Variants in ACBD6 observed in about 807,000 individuals in gnomAD.
The protein encoded by ACBD6 is acyl-CoA binding domain containing 6.
Under a neutral mutation model 37.2 loss-of-function variants are expected in ACBD6, and 28 were observed. That is an observed-to-expected ratio of 0.75 (90% CI 0.56 to 1.03). ACBD6 has a LOEUF of 1.03. Among genes scored for constraint, ACBD6 ranks in the 50% least tolerant of loss-of-function variants. ACBD6 has a pLI of 0.00. For synonymous variants in ACBD6, 113 were observed against 126.8 expected (o/e 0.89, Z 0.73); for missense variants, 340 against 337.4 (o/e 1.01, Z -0.06).
chr1:180,489,559 A>G (rs1430071016), intron 3 of ACBD6, among the ~76,000 whole-genome samples: 1 of 151,742 alleles, frequency 6.6e-6, no homozygotes, highest in Non-Finnish European at 1.5e-5. Context: ...AAAGAATATG[A>G]AAGTGCCTTT....
At chr1:180,448,219 T>C (rs1448578901) in intron 3 of ACBD6, among the ~76,000 whole-genome samples, 2 of 152,204 alleles carry the variant, frequency 1.3e-5, no homozygotes, top group African/African-American at 2.4e-5. Context: ...CCAAGACCCA[T>C]ACAAATATTA....
chr1:180,332,900 T>C (rs1651541647), intron 6 of ACBD6, among the ~76,000 whole-genome samples: 1 of 152,272 alleles, frequency 6.6e-6, no homozygotes, highest in East Asian at 1.9e-4. Flanking sequence ...ATACCTTGCT[T>C]TTAAATCCTT....
At chr1:180,452,811 T>C (rs1466100765) in intron 3 of ACBD6, among the ~76,000 whole-genome samples, 2 of 152,154 alleles carry the variant, frequency 1.3e-5, no homozygotes, top group African/African-American at 4.8e-5. Flanking sequence ...CTAGAATATC[T>C]AGAAGAAATG....
intron 6 of ACBD6, among the ~76,000 whole-genome samples, chr1:180,394,640 C>T (rs903671310): frequency 1.3e-5 from 2 of 151,888 alleles, no homozygotes; most frequent in African/African-American, 4.8e-5. Context: ...AAGAACAAGC[C>T]CCCAAGATAG....
intron 6 of ACBD6, among the ~76,000 whole-genome samples, chr1:180,373,477 C>A (rs922939426): frequency 6.6e-6 from 1 of 152,144 alleles, no homozygotes; most frequent in Admixed American, 6.5e-5. Flanking sequence ...CTATAGCTGG[C>A]TAATGCATAA....
At chr1:180,282,297 G>A (rs1649336999) in intron 8 of ACBD6, among the ~76,000 whole-genome samples, 1 of 152,244 alleles carries the variant, frequency 6.6e-6, no homozygotes, top group South Asian at 2.1e-4. Context: ...GGCTGGGAGG[G>A]GTTGGGGATT....
intron 6 of ACBD6, among the ~76,000 whole-genome samples, chr1:180,364,395 T>C (rs1419322167): frequency 6.6e-6 from 1 of 152,228 alleles, no homozygotes; most frequent in African/African-American, 2.4e-5. Context: ...AATGAGCCAC[T>C]AGGTTGGTGA....
intron 6 of ACBD6, among the ~76,000 whole-genome samples, chr1:180,369,999 CATTT>C (rs1286628364): frequency 6.6e-6 from 1 of 152,032 alleles, no homozygotes; most frequent in Non-Finnish European, 1.5e-5. Context: ...TTGGATGCAT[CATTT>C]CTTTGAGGCA....
intron 3 of ACBD6, among the ~76,000 whole-genome samples, chr1:180,491,588 T>C (rs918217560): frequency 6.6e-6 from 1 of 152,232 alleles, no homozygotes; most frequent in Non-Finnish European, 1.5e-5. Flanking sequence ...GCAGAAATCA[T>C]GTCTTATTCA....
chr1:180,498,526 A>G (rs993551998), intron 1 of ACBD6, among the ~76,000 whole-genome samples: 13 of 152,230 alleles, frequency 8.5e-5, no homozygotes, highest in Non-Finnish European at 1.8e-4. Flanking sequence ...ATCTCATCAC[A>G]CAAAATGTAA....
At chr1:180,307,626 A>C (rs754426074) in intron 7 of ACBD6, among the ~76,000 whole-genome samples, 3 of 152,172 alleles carry the variant, frequency 2.0e-5, no homozygotes, top group Non-Finnish European at 4.4e-5. Flanking sequence ...GTACCCCATA[A>C]ATATGCATCT....
chr1:180,330,421 A>AAAACAAAC (rs61307556), intron 6 of ACBD6, among the ~76,000 whole-genome samples: 4 of 151,702 alleles, frequency 2.6e-5, no homozygotes, highest in African/African-American at 7.3e-5. Context: ...CTCTGTTTCA[A>AAAACAAAC]AAACAAACAA....
chr1:180,322,188 T>C (rs1052874218), intron 6 of ACBD6, among the ~76,000 whole-genome samples: 6 of 152,276 alleles, frequency 3.9e-5, no homozygotes, highest in African/African-American at 1.2e-4. Flanking sequence ...TGTTGAGCCA[T>C]CCTTGCATCC....
intron 3 of ACBD6, among the ~76,000 whole-genome samples, chr1:180,483,593 C>G (rs1172832838): frequency 6.6e-6 from 1 of 151,826 alleles, no homozygotes; most frequent in African/African-American, 2.4e-5. Context: ...TCAATAATAC[C>G]TTAATACATG....
At chr1:180,500,240 G>C (rs898354087) in intron 1 of ACBD6, among the ~76,000 whole-genome samples, 1 of 151,508 alleles carries the variant, frequency 6.6e-6, no homozygotes, top group African/African-American at 2.4e-5. Flanking sequence ...AAGAAAAAAA[G>C]TTTACACATT....
In ACBD6 at chr1:180,437,546, T is replaced by C. The variant is rs535086868; in HGVS notation, c.385-7284A>G. Among the ~76,000 whole-genome samples the C allele has an allele frequency of 3.3e-5, 5 of 152,134 alleles. No homozygotes were observed. The South Asian group carries it at 8.3e-4, about 25-fold the overall frequency. On this transcript the variant is annotated intron_variant, in intron 3 of 7. Coordinates refer to ENST00000367595, the MANE Select transcript of ACBD6 (RefSeq NM_032360.4). ...TTTGAAAGTTTTTCCTAAAATGGCA[T>C]CCAAATTGGAAAGGAAGAGGTAAAG...
intron 6 of ACBD6, among the ~76,000 whole-genome samples, chr1:180,327,204 G>A (rs542877662): frequency 6.6e-6 from 1 of 152,302 alleles, no homozygotes; most frequent in African/African-American, 2.4e-5. Flanking sequence ...TCACTCGGAT[G>A]GACGATTACC....
At chr1:180,357,283 T>G (rs1652665705) in intron 6 of ACBD6, among the ~76,000 whole-genome samples, 1 of 152,222 alleles carries the variant, frequency 6.6e-6, no homozygotes, top group Non-Finnish European at 1.5e-5. Flanking sequence ...TCAACAAGAT[T>G]AAATGACCTG....
chr1:180,459,967 CTT>C (rs67323272), intron 3 of ACBD6, among the ~76,000 whole-genome samples: 1,231 of 107,924 alleles, frequency 0.011, 7 homozygotes, highest in Middle Eastern at 0.031. Flanking sequence ...CAGACTGCTT[CTT>C]TTTTTTTTTT....
Sources: allele counts gnomAD v4.1 joint callset (sites outside exome capture counted in the v4.1 genomes callset), GRCh38; gene constraint gnomAD v4.1.1; transcripts MANE v1.5; gene names NCBI Gene and HGNC (gene_info 2026-07-23, HGNC 2026-07-21).